LAMA4: variants seen among roughly 807,000 people sequenced by gnomAD.
The protein encoded by LAMA4 is laminin subunit alpha 4.
Under a neutral mutation model 207.1 loss-of-function variants are expected in LAMA4, and 127 were observed. The observed-to-expected ratio is 0.61, with a 90% CI of 0.53 to 0.71. LAMA4 has a LOEUF of 0.71. LAMA4 is among the 30% of genes least tolerant of loss of function. The pLI, the probability that LAMA4 is intolerant of heterozygous loss-of-function variation, is 0.00. For missense variants in LAMA4, 2,093 were observed against 2,246.5 expected, an observed-to-expected ratio of 0.93 and a Z score of 1.38; for synonymous variants, 761 against 816.0, an observed-to-expected ratio of 0.93 and a Z score of 1.15.
chr6:112,139,712 A>C, intron 23 of LAMA4, 40 bp downstream of exon 23: 7 of 1,608,782 alleles, frequency 4.4e-6, no homozygotes, highest in Non-Finnish European at 6.0e-6. Context: ...CTGCTCTTGC[A>C]TGAATATCCA....
At chr6:112,153,480 A>G (rs1214446647) in intron 16 of LAMA4, among the ~76,000 whole-genome samples, 4 of 152,156 alleles carry the variant, frequency 2.6e-5, no homozygotes, top group Non-Finnish European at 5.9e-5. Flanking sequence ...TATCAGACAT[A>G]AAATATGGAA....
chr6:112,221,827 A>G (rs1199769835), intron 2 of LAMA4, among the ~76,000 whole-genome samples: 1 of 152,238 alleles, frequency 6.6e-6, no homozygotes, highest in Non-Finnish European at 1.5e-5. Context: ...CTAGTGGAGA[A>G]AAACATGATT....
intron 6 of LAMA4, 118 bp downstream of exon 6, chr6:112,191,517 TG>T: frequency 2.6e-6 from 2 of 761,370 alleles, no homozygotes; most frequent in South Asian, 1.5e-5. Flanking sequence ...TACATTGCCC[TG>T]GGAAAGTGAC....
At chr6:112,231,651 C>G (rs1247571983) in intron 2 of LAMA4, among the ~76,000 whole-genome samples, 1 of 152,146 alleles carries the variant, frequency 6.6e-6, no homozygotes, top group Non-Finnish European at 1.5e-5. Context: ...AAGGATGCCT[C>G]TTTGTGTAAT....
intron 2 of LAMA4, chr6:112,236,569 G>A (rs1785937628): frequency 6.6e-6 from 1 of 152,148 alleles, no homozygotes; most frequent in South Asian, 2.1e-4. Flanking sequence ...AAAAGCTGAG[G>A]TCTTCAAGCT....
chr6:112,207,032 G>A lies in LAMA4; in HGVS notation c.411C>T (p.Pro137=). The A allele has an allele frequency of 3.1e-6, 5 of 1,613,852 alleles. No homozygotes were observed. Among genetic ancestry groups the A allele is most frequent in the Admixed American group, 3.3e-5 (2 of 59,988 alleles). Residue 137 remains proline, a synonymous_variant, in exon 4 of 39, where the codon CCC becomes CCT. Coordinates refer to ENST00000230538, the MANE Select transcript of LAMA4 (RefSeq NM_001105206.3). ...QFCQPCPCPL[P]HLANFAESCY... ...CCTTTAGGACTTACTTGGCCAAGTG[G>A]GGCAGGGGACAGGGGCACGGCTGGC...
intron 2 of LAMA4, 159 bp downstream of exon 2, chr6:112,253,797 A>G: frequency 6.2e-7 from 1 of 1,614,220 alleles, no homozygotes; most frequent in Non-Finnish European, 8.5e-7. Context: ...CTTACAAAGG[A>G]AAACTCTTTA....
intron 19 of LAMA4, 110 bp from the exon 20 acceptor site, chr6:112,142,402 A>G: frequency 2.1e-6 from 2 of 948,082 alleles, no homozygotes; most frequent in Non-Finnish European, 3.4e-6. Context: ...TCACCTCCAT[A>G]CCTGTAGTTA....
chr6:112,208,175 G>C (rs543847887), intron 3 of LAMA4, among the ~76,000 whole-genome samples: 1 of 152,104 alleles, frequency 6.6e-6, no homozygotes, highest in South Asian at 2.1e-4. Context: ...TATACTGTTA[G>C]AATGTCATTG....
At chr6:112,238,925 A>G (rs1051607103) in intron 2 of LAMA4, among the ~76,000 whole-genome samples, 1 of 152,222 alleles carries the variant, frequency 6.6e-6, no homozygotes, top group African/African-American at 2.4e-5. Context: ...CGTAGGTGTG[A>G]TGAACTGAAT....
At chr6:112,131,778 A>G (rs932701445) in intron 28 of LAMA4, among the ~76,000 whole-genome samples, 2 of 152,102 alleles carry the variant, frequency 1.3e-5, no homozygotes, top group African/African-American at 2.4e-5. Flanking sequence ...ACTGATTCCA[A>G]TTAAATTGGA....
chr6:112,189,375 T>C (rs1782882584), intron 6 of LAMA4, among the ~76,000 whole-genome samples, 170 bp from the exon 7 acceptor site: 1 of 152,146 alleles, frequency 6.6e-6, no homozygotes, highest in Non-Finnish European at 1.5e-5. Context: ...GATTACGCCC[T>C]TCATCCGATT....
intron 2 of LAMA4, among the ~76,000 whole-genome samples, chr6:112,222,291 A>C (rs532679862): frequency 1.3e-5 from 2 of 152,322 alleles, no homozygotes; most frequent in East Asian, 3.9e-4. Flanking sequence ...TCAATTAGGA[A>C]AGTGGTTTCA....
chr6:112,204,708 C>T (rs531136116), intron 4 of LAMA4, among the ~76,000 whole-genome samples: 5 of 152,280 alleles, frequency 3.3e-5, no homozygotes, highest in Admixed American at 2.0e-4. Flanking sequence ...TATACCAAGA[C>T]GGAGTGAAGG....
chr6:112,197,839 C>T (rs1215962631), intron 5 of LAMA4, among the ~76,000 whole-genome samples: 5 of 152,150 alleles, frequency 3.3e-5, no homozygotes, highest in African/African-American at 1.2e-4. Flanking sequence ...TGTAATGTGT[C>T]ATTGACAGAC....
intron 15 of LAMA4, chr6:112,155,290 C>A (rs1000483934): frequency 3.6e-6 from 2 of 560,058 alleles, no homozygotes; most frequent in Non-Finnish European, 6.3e-6. Flanking sequence ...TCAGCAAGAA[C>A]TAATTTTAAA....
intron 3 of LAMA4, among the ~76,000 whole-genome samples, chr6:112,209,114 G>A (rs1248655162): frequency 1.3e-5 from 2 of 152,100 alleles, no homozygotes; most frequent in African/African-American, 2.4e-5. Flanking sequence ...CTCATCCCAG[G>A]AAAAACCAAT....
At chr6:112,234,653 A>G (rs1554365412) in intron 2 of LAMA4, 1 of 152,182 alleles carries the variant, frequency 6.6e-6, no homozygotes, top group Non-Finnish European at 1.5e-5. Context: ...ATCTAATGTC[A>G]TAACTAAAAA....
At chr6:112,138,562 CATT>C (rs1318030561) in intron 24 of LAMA4, among the ~76,000 whole-genome samples, 2 of 151,970 alleles carry the variant, frequency 1.3e-5, no homozygotes, top group African/African-American at 4.8e-5. Flanking sequence ...ATTTCTGTAT[CATT>C]AATAAATAAG....
Sources: gnomAD v4.1 joint callset for allele counts (sites outside exome capture counted in the v4.1 genomes callset) on GRCh38, gnomAD v4.1.1 for gene constraint, MANE v1.5 for transcripts, NCBI Gene and HGNC (gene_info 2026-07-23, HGNC 2026-07-21) for gene names.